Variants in FLVCR2 observed in about 807,000 individuals in gnomAD.
FLVCR2 encodes the protein choline/ethanolamine transporter FLVCR2.
A neutral mutation model predicts 48.9 loss-of-function variants in FLVCR2; 38 were observed. The observed-to-expected ratio is 0.78, with a 90% CI of 0.60 to 1.02. The LOEUF is 1.02. Among genes scored for constraint, FLVCR2 ranks in the 50% least tolerant of loss-of-function variants. The probability of loss-of-function intolerance (pLI) is 0.00; values close to 1 mark genes in which losing one functional copy is unlikely to be tolerated. For missense variants in FLVCR2, 664 were observed against 663.3 expected (o/e 1.00, Z -0.01); for synonymous variants, 255 against 257.0 (o/e 0.99, Z 0.07).
intron 3 of FLVCR2, among the ~76,000 whole-genome samples, chr14:75,626,359 C>A (rs1255043442): frequency 1.3e-5 from 2 of 152,050 alleles, no homozygotes; most frequent in East Asian, 3.9e-4. Context: ...GCCAGAGTTT[C>A]ATTTTAGGCT....
At chr14:75,639,151 C>T (rs2140052679) in intron 5 of FLVCR2, among the ~76,000 whole-genome samples, 1 of 152,314 alleles carries the variant, frequency 6.6e-6, no homozygotes, top group Middle Eastern at 3.4e-3. Flanking sequence ...GTAGAGGTTT[C>T]AGCGAGCTGT....
At chr14:75,611,347 T>G (rs1205737727) in intron 1 of FLVCR2, among the ~76,000 whole-genome samples, 6 of 152,152 alleles carry the variant, frequency 3.9e-5, no homozygotes, top group Non-Finnish European at 7.4e-5. Flanking sequence ...CGTTGAGGGC[T>G]TTGGAATCAG....
chr14:75,613,654 G>A (rs1463038360), intron 1 of FLVCR2, among the ~76,000 whole-genome samples: 1 of 152,036 alleles, frequency 6.6e-6, no homozygotes, highest in Admixed American at 6.5e-5. Flanking sequence ...GGGTTCAAGC[G>A]ATTCTCCTGC....
chr14:75,588,975 G>T (rs1566782803), intron 1 of FLVCR2, among the ~76,000 whole-genome samples: 1 of 152,078 alleles, frequency 6.6e-6, no homozygotes, highest in Non-Finnish European at 1.5e-5. Flanking sequence ...GAGACTCAAG[G>T]CACCGTTCAT....
intron 1 of FLVCR2, among the ~76,000 whole-genome samples, chr14:75,616,622 T>G (rs1368603890): frequency 1.3e-5 from 2 of 152,198 alleles, no homozygotes; most frequent in African/African-American, 4.8e-5. Flanking sequence ...CCAGTGATTA[T>G]GCCCAGGGGA....
In FLVCR2 at chr14:75,616,491, A is replaced by G. The variant is rs1470153753; in HGVS notation, c.670-5588A>G. ...GCTCAATAAAGGGATACATACATAT[A>G]TATATTTTTTAATTGATACATGGCA... On this transcript the variant is annotated intron_variant, in intron 1 of 9. Transcript: ENST00000238667. 3.3e-5 allele frequency among the ~76,000 whole-genome samples: 5 copies of G among 152,120 alleles called. No homozygotes were observed. In the East Asian group the frequency reaches 9.6e-4, roughly 29 times the overall value.
chr14:75,621,405 TAA>T (rs1245540754), intron 1 of FLVCR2, among the ~76,000 whole-genome samples: 12 of 140,750 alleles, frequency 8.5e-5, no homozygotes, highest in Admixed American at 7.1e-5. Context: ...AGACTCCATT[TAA>T]AAAAAAAAAA....
rs1163085989 is a variant in FLVCR2, at chr14:75,591,806, CTTTTTTTTTTT to C, written c.669+12180_669+12190del. On this transcript the variant is annotated intron_variant, in intron 1 of 9. Transcript: ENST00000238667. ...CCAGGCTCTCTTTTTCTCTTCATTCCTTTTTTTTTTTTTTTTTTTTTTTTTGACAAAGGGTC... is the reference window on the plus strand; with the variant it reads ...CCAGGCTCTCTTTTTCTCTTCATTCCTTTTTTTTTTTTTTGACAAAGGGTC... Among the ~76,000 whole-genome samples, 54 of 109,332 alleles carry C rather than the reference CTTTTTTTTTTT, an allele frequency of 4.9e-4. 1 individual carries two copies. Among genetic ancestry groups the C allele is most frequent in the Middle Eastern group, 0.012 (2 of 166 alleles). The allele number at this position is 109,332 out of a possible 152,430, so 71.7% of individuals were successfully genotyped here. A position where few individuals can be genotyped will look rare whatever the true frequency, so the allele number is the denominator to read the frequency against.
At chr14:75,591,584 A>G (rs748575310) in intron 1 of FLVCR2, among the ~76,000 whole-genome samples, 1 of 152,170 alleles carries the variant, frequency 6.6e-6, no homozygotes, top group Non-Finnish European at 1.5e-5. Context: ...AGCCAGGCTG[A>G]GGTCACATGC....
chr14:75,586,119 C>T (rs565944156), intron 1 of FLVCR2, among the ~76,000 whole-genome samples: 2 of 152,296 alleles, frequency 1.3e-5, no homozygotes, highest in African/African-American at 4.8e-5. Context: ...TTTGTGTGAG[C>T]AACAAGGCTG....
At chr14:75,623,999 C>T (rs1889827430) in intron 2 of FLVCR2, among the ~76,000 whole-genome samples, 1 of 151,908 alleles carries the variant, frequency 6.6e-6, no homozygotes, top group South Asian at 2.1e-4. Flanking sequence ...CTGCAGTGAG[C>T]GAAGATCACA....
intron 2 of FLVCR2, among the ~76,000 whole-genome samples, chr14:75,622,624 A>G (rs1889794161): frequency 6.6e-6 from 1 of 152,212 alleles, no homozygotes. Context: ...TTTAACAAAG[A>G]GAAAAATGAG....
intron 1 of FLVCR2, among the ~76,000 whole-genome samples, chr14:75,596,782 C>CT (rs1261929161): frequency 2.6e-5 from 2 of 78,244 alleles, no homozygotes; most frequent in Non-Finnish European, 5.0e-5. Flanking sequence ...CCTCTTTTGC[C>CT]CCCCCCCCCC....
Position 75,622,083 on chromosome 14 carries a change from G to T in FLVCR2, c.674G>T (p.Gly225Val). 6.2e-7 allele frequency: 1 copy of T among 1,614,120 alleles called. No individual in the cohort carries two copies. The part of the protein sequence containing the change: ...CSVAVFGNQL[G>V]IAIGFLVPPV... Reference sequence around the variant, plus strand: ...GGTTGTCTCTGTCTTCTATAGCTTGGAATTGCGATTGGGTTCTTGGTCCCT... The same window carrying T: ...GGTTGTCTCTGTCTTCTATAGCTTGTAATTGCGATTGGGTTCTTGGTCCCT... The change falls in exon 2 of 10, where the codon GGA (glycine) becomes GTA (valine). Residue 225 changes from glycine (G) to valine (V), a missense_variant. Gly to Val is a moderately radical substitution (Grantham distance 109, BLOSUM62 -3). Coordinates refer to ENST00000238667, the MANE Select transcript of FLVCR2 (RefSeq NM_017791.3).
At chr14:75,633,828 T>C (rs1441160089) in intron 4 of FLVCR2, 132 bp downstream of exon 4, 1 of 788,394 alleles carries the variant, frequency 1.3e-6, no homozygotes, top group South Asian at 1.4e-5. Context: ...GGTATGCTTA[T>C]GGGATTTGGA....
At chr14:75,590,446 C>G (rs369667558) in intron 1 of FLVCR2, among the ~76,000 whole-genome samples, 86 of 152,332 alleles carry the variant, frequency 5.6e-4, no homozygotes, top group South Asian at 8.3e-4. Flanking sequence ...ATACAAAATA[C>G]AGTCATTCCA....
chr14:75,616,719 T>C (rs1879426865), intron 1 of FLVCR2, among the ~76,000 whole-genome samples: 1 of 152,090 alleles, frequency 6.6e-6, no homozygotes, highest in Non-Finnish European at 1.5e-5. Context: ...GCACAGCACG[T>C]TGGGAGAGGA....
chr14:75,601,931 A>T (rs1245274907), intron 1 of FLVCR2, among the ~76,000 whole-genome samples: 2 of 152,236 alleles, frequency 1.3e-5, no homozygotes, highest in African/African-American at 4.8e-5. Context: ...GGGGGTTCCC[A>T]TAACTCCTCT....
chr14:75,588,651 G>C (rs752436305), intron 1 of FLVCR2, among the ~76,000 whole-genome samples: 1 of 152,126 alleles, frequency 6.6e-6, no homozygotes, highest in Admixed American at 6.5e-5. Flanking sequence ...GAAAATTTTT[G>C]TATTTTTAGG....
Sources: gnomAD v4.1 joint callset for allele counts (sites outside exome capture counted in the v4.1 genomes callset) on GRCh38, gnomAD v4.1.1 for gene constraint, MANE v1.5 for transcripts, NCBI Gene and HGNC (gene_info 2026-07-23, HGNC 2026-07-21) for gene names.